GLT6D1: variants seen among roughly 807,000 people sequenced by gnomAD.
GLT6D1 encodes the protein putative glycosyltransferase 6 domain-containing protein 1.
Under a neutral mutation model 12.3 loss-of-function variants are expected in GLT6D1, and 9 were observed. The observed-to-expected ratio is 0.73, with a 90% CI of 0.44 to 1.27. The LOEUF is 1.27. Ranked by LOEUF, GLT6D1 falls within the 50% of genes most tolerant of loss-of-function variation. GLT6D1 has a pLI of 0.00. For missense variants in GLT6D1, 335 were observed against 346.2 expected (o/e 0.97, Z 0.26); for synonymous variants, 128 against 132.3 (o/e 0.97, Z 0.23).
At chr9:135,637,303 T>C (rs1481969853) in intron 2 of GLT6D1, among the ~76,000 whole-genome samples, 1 of 149,260 alleles carries the variant, frequency 6.7e-6, no homozygotes, top group African/African-American at 2.5e-5. Flanking sequence ...CTGAAGGGCA[T>C]CTAGTATGTT....
intron 3 of GLT6D1, among the ~76,000 whole-genome samples, chr9:135,631,032 G>T (rs1429338663): frequency 6.7e-6 from 1 of 149,480 alleles, no homozygotes; most frequent in Non-Finnish European, 1.5e-5. Context: ...GCCTGCAATA[G>T]CCCCCAAACT....
At chr9:135,627,609 C>A (rs370304492) in intron 3 of GLT6D1, among the ~76,000 whole-genome samples, 82 of 152,250 alleles carry the variant, frequency 5.4e-4, no homozygotes, top group African/African-American at 1.9e-3. Flanking sequence ...CTGGCTATTA[C>A]AAATACTACT....
At chr9:135,628,815 A>C (rs1428776620) in intron 3 of GLT6D1, among the ~76,000 whole-genome samples, 1 of 151,922 alleles carries the variant, frequency 6.6e-6, no homozygotes, top group African/African-American at 2.4e-5. Context: ...GAATTTCTTC[A>C]TTTCATATAG....
chr9:135,638,994 T>C (rs1833838525), intron 2 of GLT6D1, 123 bp downstream of exon 2: 2 of 562,224 alleles, frequency 3.6e-6, no homozygotes, highest in East Asian at 6.5e-5. Flanking sequence ...ATGGCACCAC[T>C]GCACTCCAGC....
chr9:135,635,810 C>T (rs11103116), intron 2 of GLT6D1, among the ~76,000 whole-genome samples: 33,524 of 152,206 alleles, frequency 0.22, 4,116 homozygotes, highest in Middle Eastern at 0.36. Flanking sequence ...CGTGAGTTCA[C>T]GCTGAGGTCT....
Position 135,626,171 on chromosome 9 carries a change from A to C in GLT6D1, c.155T>G (p.Leu52Arg). 6.2e-7 allele frequency: 1 copy of C among 1,614,024 alleles called. No individual in the cohort carries two copies. The highest frequency in any genetic ancestry group is 1.1e-5 in the South Asian group (1 of 91,072). The change falls in exon 4 of 5, where the codon CTC (leucine) becomes CGC (arginine). Residue 52 changes from leucine to arginine, a missense_variant. Physicochemically the swap from Leu to Arg is moderately radical, Grantham distance 102. Transcript: ENST00000371763. Reference sequence around the variant, plus strand: ...AGTCCCTTCCCATAGGACAGGAGCGAGCCAGTCTGTTTTCGTTATAACATC... The same window carrying C: ...AGTCCCTTCCCATAGGACAGGAGCGCGCCAGTCTGTTTTCGTTATAACATC... ...RPDVITKTDW[L>R]APVLWEGTFD... is the part of the protein sequence containing the mutation.
rs1165133286 is a variant in GLT6D1 at position 135,630,903 on chromosome 9, A to AT, written c.119+527dup. Among the ~76,000 whole-genome samples, 4 of 152,004 alleles carry AT rather than the reference A, an allele frequency of 2.6e-5. No homozygotes were observed. In the East Asian group the frequency reaches 7.8e-4, roughly 29 times the overall value. ...TAGCAATTTAAAATTTACATCAAAA[A>AT]TTTTAAATGTCTGCATTCTTTGGCC... On this transcript the variant is annotated intron_variant, in intron 3 of 4. Transcript: ENST00000371763.
intron 3 of GLT6D1, among the ~76,000 whole-genome samples, chr9:135,629,301 G>A (rs900313593): frequency 6.6e-6 from 1 of 152,012 alleles, no homozygotes; most frequent in Admixed American, 6.6e-5. Context: ...CATCCCATAA[G>A]TTTGGCATGT....
intron 3 of GLT6D1, among the ~76,000 whole-genome samples, chr9:135,627,583 G>T (rs1833550542): frequency 6.6e-6 from 1 of 152,124 alleles, no homozygotes; most frequent in Admixed American, 6.5e-5. Context: ...ATGAACATTT[G>T]AGTTATTTAC....
At chr9:135,626,777 G>A (rs1390399490) in intron 3 of GLT6D1, among the ~76,000 whole-genome samples, 2 of 151,994 alleles carry the variant, frequency 1.3e-5, no homozygotes, top group African/African-American at 2.4e-5. Flanking sequence ...AATGAGAGAT[G>A]AGTCCAAAAC....
chr9:135,625,067 A>T (rs1362896042), intron 4 of GLT6D1, among the ~76,000 whole-genome samples: 1 of 151,962 alleles, frequency 6.6e-6, no homozygotes, highest in Non-Finnish European at 1.5e-5. Context: ...TCTAAACATG[A>T]TCAGGAGAAG....
chr9:135,624,365 C>A lies in GLT6D1; in HGVS notation c.563G>T (p.Gly188Val). Residue 188 changes from glycine (G) to valine (V), a missense_variant, in exon 5 of 5, where the codon GGC becomes GTC. Coordinates refer to ENST00000371763, the MANE Select transcript of GLT6D1 (RefSeq NM_182974.3). ...GGCGTGGAGCTGGGCCACCAACGGG[C>A]CCAGGGTCTCCACCCCGAACTCATT... ...FQNEFGVETL[G>V]PLVAQLHAWW... 17 of 1,614,090 alleles carry A rather than the reference C, an allele frequency of 1.1e-5. No individual in the cohort carries two copies. The highest frequency in any genetic ancestry group is 1.4e-5 in the Non-Finnish European group (17 of 1,180,006).
At position 135,624,274 on chromosome 9, in the gene GLT6D1, G is replaced by T. The variant is rs1014703472; in HGVS notation, c.654C>A (p.Ile218=). ...YERRPTSAAC[I]PFGQGDFYYG... ...AATAGAAATCTCCCTGTCCAAACGG[G>T]ATGCAAGCTGCTGAGGTCGGCCTCC... is the stretch of plus-strand genomic sequence containing the variant. Residue 218 remains isoleucine (I), a synonymous_variant, in exon 5 of 5, where the codon ATC becomes ATA. Transcript: ENST00000371763. 1.2e-5 allele frequency: 20 copies of T among 1,603,618 alleles called. No homozygotes were observed. The highest frequency in any genetic ancestry group is 1.6e-5 in the Non-Finnish European group (19 of 1,175,098).
chr9:135,628,653 G>T (rs1833571232), intron 3 of GLT6D1, among the ~76,000 whole-genome samples: 1 of 152,006 alleles, frequency 6.6e-6, no homozygotes, highest in African/African-American at 2.4e-5. Flanking sequence ...GTGAAAGATT[G>T]ATATTAATTC....
At chr9:135,640,952 A>G (rs570710391), upstream of GLT6D1, among the ~76,000 whole-genome samples, 22 of 152,254 alleles carry the variant, frequency 1.4e-4, no homozygotes, top group East Asian at 3.9e-3. Flanking sequence ...GCCCTCCTCC[A>G]TGACATCATC....
intron 2 of GLT6D1, among the ~76,000 whole-genome samples, chr9:135,638,289 G>T (rs760646661): frequency 6.6e-6 from 1 of 152,196 alleles, no homozygotes; most frequent in South Asian, 2.1e-4. Flanking sequence ...CCCACAACAC[G>T]TGGGAATTCT....
chr9:135,639,007 G>A, intron 2 of GLT6D1, 110 bp downstream of exon 2: 1 of 612,660 alleles, frequency 1.6e-6, no homozygotes, highest in South Asian at 2.3e-5. Flanking sequence ...ACTCCAGCCT[G>A]GGCAACAGAG....
At chr9:135,630,370 A>C (rs1332054682) in intron 3 of GLT6D1, among the ~76,000 whole-genome samples, 2 of 148,938 alleles carry the variant, frequency 1.3e-5, no homozygotes, top group Non-Finnish European at 3.0e-5. Context: ...CACGCCATGC[A>C]CCCCAGCCTG....
intron 2 of GLT6D1, among the ~76,000 whole-genome samples, chr9:135,635,265 A>G (rs187223644): frequency 3.3e-4 from 51 of 152,346 alleles, no homozygotes; most frequent in Middle Eastern, 3.4e-3. Flanking sequence ...GAGCTCTCCC[A>G]GTTAGCTCCC....
Sources: allele counts gnomAD v4.1 joint callset (sites outside exome capture counted in the v4.1 genomes callset), GRCh38; gene constraint gnomAD v4.1.1; transcripts MANE v1.5; gene names NCBI Gene and HGNC (gene_info 2026-07-23, HGNC 2026-07-21).